GYPC: variants seen among roughly 807,000 people sequenced by gnomAD.
The protein encoded by GYPC is glycophorin C (Gerbich blood group), also known as glycophorin-C.
Under a neutral mutation model 12.6 loss-of-function variants are expected in GYPC, and 14 were observed. The ratio of observed to expected loss-of-function variants is 1.11; its 90% CI spans 0.74 to 1.74. GYPC has a LOEUF of 1.74. GYPC is among the 40% of genes most tolerant of loss of function. The probability of loss-of-function intolerance (pLI) is 0.00; values close to 1 mark genes in which losing one functional copy is unlikely to be tolerated. For synonymous variants in GYPC, 78 were observed against 62.1 expected (o/e 1.26, Z -1.20); for missense variants, 225 against 172.1 (o/e 1.31, Z -1.72).
rs1553467154 is a variant in GYPC, at chr2:126,666,756, CAT to C, written c.49+10447_49+10448del. Among the ~76,000 whole-genome samples the C allele has an allele frequency of 4.7e-3, 661 of 141,068 alleles. 6 individuals carry two copies. The highest frequency in any genetic ancestry group is 0.011 in the African/African-American group (400 of 36,656). 92.5% of individuals were successfully genotyped at this position (141,068 alleles called of 152,430 possible). On this transcript the variant is annotated intron_variant, in intron 1 of 3. Transcript: ENST00000259254. ...ACACACACACACACACACACACACA[CAT>C]ATGCACGCACACACACAAGCACACA...
At chr2:126,667,118 T>G (rs1165283118) in intron 1 of GYPC, among the ~76,000 whole-genome samples, 2 of 152,170 alleles carry the variant, frequency 1.3e-5, no homozygotes, top group African/African-American at 2.4e-5. Context: ...TCACTCAAGG[T>G]CATTGTAGCC....
chr2:126,688,361 G>T (rs540257690), intron 1 of GYPC, among the ~76,000 whole-genome samples: 1 of 152,178 alleles, frequency 6.6e-6, no homozygotes, highest in Non-Finnish European at 1.5e-5. Flanking sequence ...GGTTAGAAAA[G>T]TCTAGAACTC....
chr2:126,668,692 C>T (rs1326084368), intron 1 of GYPC, among the ~76,000 whole-genome samples: 1 of 152,218 alleles, frequency 6.6e-6, no homozygotes, highest in Non-Finnish European at 1.5e-5. Context: ...AGCAATTCAT[C>T]CGCAAGCAAT....
At chr2:126,677,492 AGTGT>A (rs70985425) in intron 1 of GYPC, among the ~76,000 whole-genome samples, 1 of 148,810 alleles carries the variant, frequency 6.7e-6, no homozygotes, top group South Asian at 2.1e-4. Context: ...TGTGAGTCTG[AGTGT>A]GTGTATGAGA....
chr2:126,694,405 G>A lies in GYPC; in HGVS notation c.190+458G>A, dbSNP rs28387222. Among the ~76,000 whole-genome samples, 125 of 152,222 alleles carry A rather than the reference G, an allele frequency of 8.2e-4. 1 individual carries two copies. Among genetic ancestry groups the A allele is most frequent in the African/African-American group, 2.9e-3 (120 of 41,524 alleles). On this transcript the variant is annotated intron_variant, in intron 3 of 3. Coordinates refer to ENST00000259254, the MANE Select transcript of GYPC (RefSeq NM_002101.5). ...AACCCTGGGCAAGGGGCTCCCCATG[G>A]GTCATGGCTGTGACTGCAAACTGTG...
At position 126,690,166 on chromosome 2, in the gene GYPC, C is replaced by T. The variant is rs965732365; in HGVS notation, c.50-89C>T. 8 of 942,450 alleles carry T rather than the reference C, an allele frequency of 8.5e-6. No individual in the cohort carries two copies. The African/African-American group carries it at 1.3e-4, about 15-fold the overall frequency. 58.4% of individuals were successfully genotyped at this position (942,450 alleles called of 1,614,324 possible). A position where few individuals can be genotyped will look rare whatever the true frequency, so the allele number is the denominator to read the frequency against. On this transcript the variant is annotated intron_variant, in intron 1 of 3. Transcript: ENST00000259254. ...GAACCCATTCTCAGAGCTGCTCACACCTGAGCAAAGGATGCAGCTTGGGCC... is the reference window on the plus strand; with the variant it reads ...GAACCCATTCTCAGAGCTGCTCACATCTGAGCAAAGGATGCAGCTTGGGCC...
At chr2:126,688,416 C>T (rs1683353018) in intron 1 of GYPC, among the ~76,000 whole-genome samples, 2 of 152,216 alleles carry the variant, frequency 1.3e-5, no homozygotes, top group Non-Finnish European at 2.9e-5. Flanking sequence ...TTTACTCATG[C>T]ATTCAGTGAA....
chr2:126,688,432 A>G (rs1159956375), intron 1 of GYPC, among the ~76,000 whole-genome samples: 1 of 152,240 alleles, frequency 6.6e-6, no homozygotes, highest in East Asian at 1.9e-4. Flanking sequence ...GTGAATATTT[A>G]TTGAGTACCT....
chr2:126,665,542 G>A (rs1682655387), intron 1 of GYPC, among the ~76,000 whole-genome samples: 1 of 152,190 alleles, frequency 6.6e-6, no homozygotes, highest in African/African-American at 2.4e-5. Flanking sequence ...GGGAGATTAG[G>A]GCACAGATAA....
At chr2:126,670,880 T>C (rs958551458) in intron 1 of GYPC, among the ~76,000 whole-genome samples, 1 of 152,140 alleles carries the variant, frequency 6.6e-6, no homozygotes, top group African/African-American at 2.4e-5. Flanking sequence ...ATGTGCTGCT[T>C]CCCTGCTACA....
At position 126,688,562 on chromosome 2, in the gene GYPC, T is replaced by C. The variant is rs1683357216; in HGVS notation, c.50-1693T>C. Among the ~76,000 whole-genome samples the C allele has an allele frequency of 4.6e-5, 7 of 152,372 alleles. No individual in the cohort carries two copies. The South Asian group carries it at 1.4e-3, about 32-fold the overall frequency. On this transcript the variant is annotated intron_variant, in intron 1 of 3. Transcript: ENST00000259254. ...TGCTACTGAGAAGCACTGTGAATGC[T>C]GGATCCTCTACCCTGCCTGGTTCCT...
intron 1 of GYPC, chr2:126,685,954 C>T (rs958935297): frequency 3.2e-5 from 32 of 985,172 alleles, no homozygotes; most frequent in South Asian, 4.7e-5. Context: ...CAACTCCCCT[C>T]CTTCGAGCCC....
rs1158073707 is a variant in GYPC, at chr2:126,656,248, G to C, written c.-16G>C. ...TGGCCAGTCCCCGCGGTCTCTGCCC[G>C]GGCTGACGCCCAGGAATGTGGTCGA... On this transcript the variant is annotated 5_prime_UTR_variant, in exon 1 of 4. Transcript: ENST00000259254. 1 of 1,599,024 alleles carries C rather than the reference G, an allele frequency of 6.3e-7. No individual in the cohort carries two copies. The highest frequency in any genetic ancestry group is 2.3e-5 in the East Asian group (1 of 43,976).
In GYPC at chr2:126,656,379, G is replaced by C. The variant is rs1682355624; in HGVS notation, c.49+67G>C. On this transcript the variant is annotated intron_variant, in intron 1 of 3. Transcript: ENST00000259254. ...AGGCCGCGGCCCGCAGCAGCCAGGGGCCGAGCCACGGCCACGGACGCCCTG... is the reference window on the plus strand; with the variant it reads ...AGGCCGCGGCCCGCAGCAGCCAGGGCCCGAGCCACGGCCACGGACGCCCTG... 9 of 1,388,842 alleles carry C rather than the reference G, an allele frequency of 6.5e-6. No homozygotes were observed. In the African/African-American group the frequency reaches 8.8e-5, roughly 14 times the overall value. The allele number at this position is 1,388,842 out of a possible 1,614,324, so 86.0% of individuals were successfully genotyped here. A position where few individuals can be genotyped will look rare whatever the true frequency, so the allele number is the denominator to read the frequency against.
intron 1 of GYPC, among the ~76,000 whole-genome samples, chr2:126,663,089 G>A (rs1431413791): frequency 6.6e-6 from 1 of 152,178 alleles, no homozygotes; most frequent in African/African-American, 2.4e-5. Context: ...CCAGGCTGGA[G>A]TGCAGTGACA....
At chr2:126,694,035 G>A (rs565877912) in intron 3 of GYPC, 88 bp downstream of exon 3, 111 of 921,636 alleles carry the variant, frequency 1.2e-4, no homozygotes, top group Admixed American at 8.9e-4. Flanking sequence ...AAGGACTTGG[G>A]CAGTGGTGGC....
intron 1 of GYPC, among the ~76,000 whole-genome samples, chr2:126,683,795 C>T (rs944126466): frequency 1.1e-4 from 16 of 152,200 alleles, no homozygotes; most frequent in African/African-American, 3.9e-4. Flanking sequence ...AAAAGTTATC[C>T]AGCAAGACTC....
At chr2:126,670,030 C>T (rs976302066) in intron 1 of GYPC, among the ~76,000 whole-genome samples, 14 of 152,224 alleles carry the variant, frequency 9.2e-5, no homozygotes, top group Admixed American at 8.5e-4. Context: ...GCTGGCCTCT[C>T]ACTGCCCTGC....
Position 126,690,253 on chromosome 2 carries a change from A to G in GYPC, c.50-2A>G. On this transcript the variant is annotated splice_acceptor_variant, in intron 1 of 3. Transcript: ENST00000259254. LOFTEE classifies it high-confidence loss of function. ...CCTCAGATTCTTGTCCTCTGTTCAC[A>G]GAGCCTGATCCGGGGATGGCCTCTG... is the stretch of plus-strand genomic sequence containing the variant. The G allele has an allele frequency of 2.5e-6, 4 of 1,611,476 alleles. No individual in the cohort carries two copies. Among genetic ancestry groups the G allele is most frequent in the Non-Finnish European group, 3.4e-6 (4 of 1,177,538 alleles).
Sources: allele counts gnomAD v4.1 joint callset (sites outside exome capture counted in the v4.1 genomes callset), GRCh38; gene constraint gnomAD v4.1.1; transcripts MANE v1.5; gene names NCBI Gene and HGNC (gene_info 2026-07-23, HGNC 2026-07-21).